The following TNKS2 variants were observed in gnomAD, a reference collection of about 807,000 sequenced individuals.
TNKS2 encodes the protein tankyrase 2.
In TNKS2, 72 loss-of-function variants were observed where a neutral mutation model predicts 137.6. That is an observed-to-expected ratio of 0.52 (90% CI 0.43 to 0.64). The LOEUF (loss-of-function observed/expected upper bound fraction) is 0.64, where lower values mean the gene tolerates loss of function less well. Among genes scored for constraint, TNKS2 ranks in the 30% least tolerant of loss-of-function variants. The pLI is 0.00. For missense variants in TNKS2, 1,049 were observed against 1,410.2 expected, an observed-to-expected ratio of 0.74 and a Z score of 4.10; for synonymous variants, 516 against 512.1, an observed-to-expected ratio of 1.01 and a Z score of -0.10.
chr10:91,848,339 TA>T (rs757700447), intron 18 of TNKS2, 43 bp from the exon 19 acceptor site: 3 of 1,581,732 alleles, frequency 1.9e-6, no homozygotes, highest in African/African-American at 1.4e-5. Context: ...AATAGCATTT[TA>T]AAACTTGCTT....
intron 1 of TNKS2, among the ~76,000 whole-genome samples, chr10:91,811,032 A>G (rs1258383338): frequency 1.4e-5 from 2 of 143,366 alleles, no homozygotes; most frequent in Non-Finnish European, 3.0e-5. Flanking sequence ...GGTTCAAGCA[A>G]TTCTGTCTCA....
At chr10:91,841,903 T>C (rs1171633420) in intron 15 of TNKS2, among the ~76,000 whole-genome samples, 1 of 152,168 alleles carries the variant, frequency 6.6e-6, no homozygotes, top group Non-Finnish European at 1.5e-5. Flanking sequence ...TGAAAGTTAA[T>C]TTTTAATGAA....
chr10:91,799,853 G>T (rs1844104968), intron 1 of TNKS2, among the ~76,000 whole-genome samples: 1 of 152,056 alleles, frequency 6.6e-6, no homozygotes, highest in Admixed American at 6.6e-5. Context: ...TTTTTGTTTT[G>T]TGTATTTCAT....
At chr10:91,837,437 A>G (rs1322580434) in intron 13 of TNKS2, among the ~76,000 whole-genome samples, 1 of 152,248 alleles carries the variant, frequency 6.6e-6, no homozygotes, top group Admixed American at 6.5e-5. Flanking sequence ...AGGGCTTAGT[A>G]TAATAATAAA....
chr10:91,820,132 T>C (rs1246344324), intron 6 of TNKS2, 99 bp downstream of exon 6: 2 of 750,998 alleles, frequency 2.7e-6, no homozygotes, highest in African/African-American at 1.8e-5. Flanking sequence ...CTAAATAACA[T>C]TAATATATAT....
At chr10:91,829,033 C>T (rs889289185) in intron 9 of TNKS2, among the ~76,000 whole-genome samples, 1 of 152,012 alleles carries the variant, frequency 6.6e-6, no homozygotes, top group Admixed American at 6.6e-5. Flanking sequence ...AAAAAAGAAA[C>T]TTAAAGGTAG....
chr10:91,817,222 G>T lies in TNKS2; in HGVS notation c.513G>T (p.Val171=). ...TAGCAGATCCATCTGCCAAAGCAGT[G>T]CTTACTGGTAAGTCTGTATACTCTG... is the stretch of plus-strand genomic sequence containing the variant. The part of the protein sequence containing the change: ...LDLADPSAKA[V]LTGEYKKDEL... Residue 171 remains valine (V), a synonymous_variant, in exon 3 of 27, where the codon GTG becomes GTT. Coordinates refer to ENST00000371627, the MANE Select transcript of TNKS2 (RefSeq NM_025235.4). 1.2e-6 allele frequency: 2 copies of T among 1,612,202 alleles called. No individual in the cohort carries two copies. The highest frequency in any genetic ancestry group is 1.7e-6 in the Non-Finnish European group (2 of 1,178,892).
chr10:91,835,472 G>A (rs191494322), intron 12 of TNKS2, among the ~76,000 whole-genome samples: 94 of 151,098 alleles, frequency 6.2e-4, no homozygotes, highest in African/African-American at 2.2e-3. Flanking sequence ...TGTATTTTTA[G>A]TAGAGACAGA....
In TNKS2 at chr10:91,841,394, T is replaced by G. The variant is rs376963141; in HGVS notation, c.1785T>G (p.Pro595=). ...VNVADLWKFT[P]LHEAAAKGKY... ...TAGCTGATTTATGGAAATTTACACC[T>G]TTACATGAAGCAGCAGCAAAAGGAA... Residue 595 remains proline (P), a synonymous_variant, in exon 15 of 27, where the codon CCT becomes CCG. Transcript: ENST00000371627. 11 of 1,609,142 alleles carry G rather than the reference T, an allele frequency of 6.8e-6. No individual in the cohort carries two copies. Among genetic ancestry groups the G allele is most frequent in the Non-Finnish European group, 8.5e-6 (10 of 1,177,960 alleles).
In TNKS2 at chr10:91,798,596, C is replaced by G. The variant is rs1844045686; in HGVS notation, c.-95C>G. ...AGCCAAGCGGCCCGGGCCCTGAGCG[C>G]GTCTTCTCCGGGGGGCCTCGCCCTC... On this transcript the variant is annotated 5_prime_UTR_variant, in exon 1 of 27. Coordinates refer to ENST00000371627, the MANE Select transcript of TNKS2 (RefSeq NM_025235.4). 8 of 1,192,754 alleles carry G rather than the reference C, an allele frequency of 6.7e-6. No homozygotes were observed. Among genetic ancestry groups the G allele is most frequent in the South Asian group, 8.6e-5 (2 of 23,210 alleles). 73.9% of individuals were successfully genotyped at this position (1,192,754 alleles called of 1,614,324 possible). A position where few individuals can be genotyped will look rare whatever the true frequency, so the allele number is the denominator to read the frequency against.
intron 21 of TNKS2, among the ~76,000 whole-genome samples, chr10:91,852,878 G>C (rs140119284): frequency 6.6e-6 from 1 of 152,214 alleles, no homozygotes; most frequent in Non-Finnish European, 1.5e-5. Flanking sequence ...TTTACTGCCT[G>C]ATAAGGACTA....
intron 11 of TNKS2, among the ~76,000 whole-genome samples, chr10:91,833,056 T>A (rs768310177): frequency 6.6e-6 from 1 of 152,190 alleles, no homozygotes; most frequent in Non-Finnish European, 1.5e-5. Flanking sequence ...AGTTTTTCTT[T>A]AGATGTAAAA....
intron 12 of TNKS2, chr10:91,836,563 A>C (rs1842024644): frequency 2.3e-6 from 2 of 869,350 alleles, no homozygotes; most frequent in Non-Finnish European, 2.8e-6. Context: ...ACAGAACCAC[A>C]GTTAGATTTC....
chr10:91,836,554 C>A, intron 12 of TNKS2: 2 of 837,626 alleles, frequency 2.4e-6, no homozygotes, highest in Non-Finnish European at 2.9e-6. Context: ...TAATTAATGA[C>A]AGAACCACAG....
chr10:91,820,864 AT>A (rs1299246227), intron 6 of TNKS2, among the ~76,000 whole-genome samples: 2 of 152,180 alleles, frequency 1.3e-5, no homozygotes, highest in East Asian at 3.9e-4. Flanking sequence ...AATGGGTAAG[AT>A]TTGTTGAATG....
chr10:91,841,267 A>C lies in TNKS2; in HGVS notation c.1674-16A>C. On this transcript the variant is annotated splice_polypyrimidine_tract_variant and intron_variant, in intron 14 of 26. Transcript: ENST00000371627. ...ATGTTCTTCTGTGGCATTATTGTTCATTTATTACTTTTCAGAGGCCTTGTA... is the reference window on the plus strand; with the variant it reads ...ATGTTCTTCTGTGGCATTATTGTTCCTTTATTACTTTTCAGAGGCCTTGTA... The C allele has an allele frequency of 6.6e-7, 1 of 1,507,198 alleles. No homozygotes were observed. The highest frequency in any genetic ancestry group is 8.9e-7 in the Non-Finnish European group (1 of 1,129,148). 93.4% of individuals were successfully genotyped at this position (1,507,198 alleles called of 1,614,324 possible). A position where few individuals can be genotyped will look rare whatever the true frequency, so the allele number is the denominator to read the frequency against.
intron 16 of TNKS2, among the ~76,000 whole-genome samples, 173 bp from the exon 17 acceptor site, chr10:91,844,746 T>G (rs898581959): frequency 3.9e-5 from 6 of 152,190 alleles, no homozygotes; most frequent in Non-Finnish European, 8.8e-5. Context: ...ATGAGCTATT[T>G]CAGATTTATA....
chr10:91,849,522 A>T lies in TNKS2; in HGVS notation c.2622A>T (p.Val874=). 6.2e-7 allele frequency: 1 copy of T among 1,610,416 alleles called. No homozygotes were observed. The highest frequency in any genetic ancestry group is 8.5e-7 in the Non-Finnish European group (1 of 1,178,876). ...TTTTTTATTTCCCAGTTCCAGGAGTAGATTTTAGCATAACTCAATTCGTAA... is the reference window on the plus strand; with the variant it reads ...TTTTTTATTTCCCAGTTCCAGGAGTTGATTTTAGCATAACTCAATTCGTAA... ...SSLEKKEVPG[V]DFSITQFVRN... Residue 874 remains valine (V), a synonymous_variant, in exon 20 of 27, where the codon GTA becomes GTT. Transcript: ENST00000371627.
At chr10:91,829,953 C>G (rs1279006222) in intron 9 of TNKS2, among the ~76,000 whole-genome samples, 2 of 152,116 alleles carry the variant, frequency 1.3e-5, no homozygotes, top group African/African-American at 4.8e-5. Flanking sequence ...TTATTGAACA[C>G]CTATTGTGCA....
Sources: gnomAD v4.1 joint callset for allele counts (sites outside exome capture counted in the v4.1 genomes callset) on GRCh38, gnomAD v4.1.1 for gene constraint, MANE v1.5 for transcripts, NCBI Gene and HGNC (gene_info 2026-07-23, HGNC 2026-07-21) for gene names.